The following MTIF3 variants were observed in gnomAD, a reference collection of about 807,000 sequenced individuals.
The protein encoded by MTIF3 is mitochondrial translational initiation factor 3.
A neutral mutation model predicts 20.7 loss-of-function variants in MTIF3; 13 were observed. That is an observed-to-expected ratio of 0.63 (90% CI 0.41 to 1.00). The LOEUF (loss-of-function observed/expected upper bound fraction) is 1.00, where lower values mean the gene tolerates loss of function less well. Among genes scored for constraint, MTIF3 ranks in the 50% least tolerant of loss-of-function variants. The pLI is 0.00. For missense variants in MTIF3, 295 were observed against 324.5 expected, an observed-to-expected ratio of 0.91 and a Z score of 0.70; for synonymous variants, 114 against 112.5, an observed-to-expected ratio of 1.01 and a Z score of -0.08.
At chr13:27,437,519 T>G (rs1362906913) in intron 3 of MTIF3, among the ~76,000 whole-genome samples, 1 of 152,222 alleles carries the variant, frequency 6.6e-6, no homozygotes, top group Non-Finnish European at 1.5e-5. Flanking sequence ...CCATCGTTTG[T>G]TGAAAGAACA....
intron 1 of MTIF3, among the ~76,000 whole-genome samples, chr13:27,448,332 G>A (rs763587113): frequency 3.3e-5 from 5 of 152,094 alleles, no homozygotes; most frequent in Non-Finnish European, 7.4e-5. Context: ...AGATTCTAGC[G>A]GACTAAATAT....
At chr13:27,445,484 A>G (rs1954152321) in intron 1 of MTIF3, among the ~76,000 whole-genome samples, 1 of 152,172 alleles carries the variant, frequency 6.6e-6, no homozygotes, top group African/African-American at 2.4e-5. Flanking sequence ...TCAAAAAAAA[A>G]AAAAGAAAAT....
At chr13:27,438,422 G>A (rs1217327389) in intron 3 of MTIF3, among the ~76,000 whole-genome samples, 1 of 150,594 alleles carries the variant, frequency 6.6e-6, no homozygotes, top group Non-Finnish European at 1.5e-5. Context: ...CCCAGGAGAT[G>A]GAGGCTGCAG....
At chr13:27,447,923 C>T (rs74384513) in intron 1 of MTIF3, among the ~76,000 whole-genome samples, 3,086 of 152,246 alleles carry the variant, frequency 0.02, 107 homozygotes, top group African/African-American at 0.07. Flanking sequence ...TAATGAACAC[C>T]TAGGCTGTTC....
In MTIF3 at chr13:27,437,032, T is replaced by C. The variant is rs1312538725; in HGVS notation, c.618+84A>G. ...TCCCAAAATGCTGGGATTACAGGCG[T>C]GAGCCACCGCGCCTGGCCTACAATT... On this transcript the variant is annotated intron_variant, in intron 4 of 4. Coordinates refer to ENST00000381120, the MANE Select transcript of MTIF3 (RefSeq NM_152912.5). 10 of 1,430,572 alleles carry C rather than the reference T, an allele frequency of 7.0e-6. No homozygotes were observed. The East Asian group carries it at 2.1e-4, about 29-fold the overall frequency. 88.6% of individuals were successfully genotyped at this position (1,430,572 alleles called of 1,614,324 possible). A position where few individuals can be genotyped will look rare whatever the true frequency, so the allele number is the denominator to read the frequency against.
At chr13:27,439,661 T>G (rs1205240884) in intron 3 of MTIF3, among the ~76,000 whole-genome samples, 4 of 152,176 alleles carry the variant, frequency 2.6e-5, no homozygotes, top group African/African-American at 9.7e-5. Context: ...CATCGGCTAC[T>G]CAGCTTGCTG....
chr13:27,442,953 G>A (rs867604376), intron 2 of MTIF3, among the ~76,000 whole-genome samples: 10 of 152,164 alleles, frequency 6.6e-5, no homozygotes, highest in African/African-American at 1.7e-4. Flanking sequence ...TGTGTTCCCC[G>A]GCACTACAGC....
At chr13:27,445,059 A>G (rs1954133907) in intron 2 of MTIF3, 29 bp downstream of exon 2, 1 of 152,238 alleles carries the variant, frequency 6.6e-6, no homozygotes, top group South Asian at 2.1e-4. Flanking sequence ...ATTGCTAATT[A>G]AATAAAAAGA....
chr13:27,441,390 G>A (rs1953998898), intron 2 of MTIF3: 1 of 152,216 alleles, frequency 6.6e-6, no homozygotes. Context: ...ATGGGAAAGG[G>A]ACCTCTCCAG....
intron 3 of MTIF3, among the ~76,000 whole-genome samples, chr13:27,438,127 T>C (rs910450968): frequency 1.3e-5 from 2 of 152,118 alleles, no homozygotes; most frequent in Non-Finnish European, 2.9e-5. Flanking sequence ...AGAAACTGCA[T>C]ACACTGCTGC....
chr13:27,436,008 G>T, intron 4 of MTIF3, 115 bp from the exon 5 acceptor site: 1 of 745,974 alleles, frequency 1.3e-6, no homozygotes, highest in Non-Finnish European at 2.2e-6. Flanking sequence ...TGTCGGTTAA[G>T]TGATTAGCTA....
intron 2 of MTIF3, among the ~76,000 whole-genome samples, chr13:27,443,601 GACAAA>G (rs1315476233): frequency 6.6e-6 from 1 of 152,142 alleles, no homozygotes; most frequent in Non-Finnish European, 1.5e-5. Flanking sequence ...ATATACAGTA[GACAAA>G]ACAGTTCACT....
In MTIF3 at chr13:27,435,876, T is replaced by A; in HGVS notation, c.636A>T (p.Gln212His). The A allele has an allele frequency of 6.2e-7, 1 of 1,612,156 alleles. No individual in the cohort carries two copies. The highest frequency in any genetic ancestry group is 8.5e-7 in the Non-Finnish European group (1 of 1,179,036). Reference protein sequence around the residue: ...SENEMEEIFHQILQTMPGIAT... With the variant: ...SENEMEEIFHHILQTMPGIAT... ...CTATTCCAGGCATAGTCTGGAGTAT[T>A]TGATGAAATATCTCCTCCTAAAAAA... The change falls in exon 5 of 5, where the codon CAA (glutamine) becomes CAT (histidine). Residue 212 changes from glutamine (Q) to histidine (H), a missense_variant. Gln to His is a conservative substitution (Grantham distance 24, BLOSUM62 0). Coordinates refer to ENST00000381120, the MANE Select transcript of MTIF3 (RefSeq NM_152912.5).
rs544928513 is a variant in MTIF3 at position 27,444,445 on chromosome 13, T to C, written c.-2+643A>G. Among the ~76,000 whole-genome samples, 6 of 152,384 alleles carry C rather than the reference T, an allele frequency of 3.9e-5. No individual in the cohort carries two copies. The East Asian group carries it at 1.2e-3, about 29-fold the overall frequency. On this transcript the variant is annotated intron_variant, in intron 2 of 4. Transcript: ENST00000381120. ...GCAATTCATTGCAATTAAGCTTTAA[T>C]ACTAACTCAATACTGGCTTTAAATC...
Position 27,438,766 on chromosome 13 carries a change from G to A in MTIF3, c.460+1223C>T, listed in dbSNP as rs60186206. Among the ~76,000 whole-genome samples, 889 of 151,940 alleles carry A rather than the reference G, an allele frequency of 5.9e-3. 11 individuals carry two copies. The highest frequency in any genetic ancestry group is 0.021 in the African/African-American group (868 of 41,444). On this transcript the variant is annotated intron_variant, in intron 3 of 4. Transcript: ENST00000381120. Reference sequence around the variant, plus strand: ...CTGCCTTGGCCTCCCAAAGTGCTGGGATTACAGACGTGAGCCACCACGCCC... The same window carrying A: ...CTGCCTTGGCCTCCCAAAGTGCTGGAATTACAGACGTGAGCCACCACGCCC...
chr13:27,443,777 T>C (rs1006293584), intron 2 of MTIF3, among the ~76,000 whole-genome samples: 23 of 151,956 alleles, frequency 1.5e-4, no homozygotes, highest in African/African-American at 5.1e-4. Flanking sequence ...TAACTAGATA[T>C]AGGAAAAGAT....
At chr13:27,445,799 G>T (rs937337706) in intron 1 of MTIF3, among the ~76,000 whole-genome samples, 15 of 152,100 alleles carry the variant, frequency 9.9e-5, no homozygotes, top group Non-Finnish European at 2.1e-4. Flanking sequence ...GTTTCCAGGG[G>T]ATACAAGGGC....
chr13:27,444,864 T>G (rs2138160305), intron 2 of MTIF3, among the ~76,000 whole-genome samples: 1 of 152,344 alleles, frequency 6.6e-6, no homozygotes, highest in Non-Finnish European at 1.5e-5. Context: ...TATGATTTTG[T>G]TTGTTTACAT....
rs1462426587 is a variant in MTIF3, at chr13:27,435,698, C to G, written c.814G>C (p.Glu272Gln). The part of the protein sequence containing the change: ...TLNKDHGNDK[E>Q]SNVLHQ Reference sequence around the variant, plus strand: ...AATTACTGATGCAGAACATTTGATTCCTTATCATTTCCATGGTCTTTGTTC... The same window carrying G: ...AATTACTGATGCAGAACATTTGATTGCTTATCATTTCCATGGTCTTTGTTC... The change falls in exon 5 of 5, where the codon GAA (glutamate) becomes CAA (glutamine). Residue 272 changes from glutamate (E) to glutamine (Q), a missense_variant. By Grantham distance (29) the Glu-to-Gln change is conservative (BLOSUM62 2). Transcript: ENST00000381120. 1 of 1,613,952 alleles carries G rather than the reference C, an allele frequency of 6.2e-7. No individual in the cohort carries two copies. The highest frequency in any genetic ancestry group is 2.2e-5 in the East Asian group (1 of 44,880).
Sources: allele counts gnomAD v4.1 joint callset (sites outside exome capture counted in the v4.1 genomes callset), GRCh38; gene constraint gnomAD v4.1.1; transcripts MANE v1.5; gene names NCBI Gene and HGNC (gene_info 2026-07-23, HGNC 2026-07-21).